GLCCI1: variants seen among roughly 807,000 people sequenced by gnomAD.
GLCCI1 encodes glucocorticoid-induced transcript 1 protein.
A neutral mutation model predicts 52.2 loss-of-function variants in GLCCI1; 24 were observed. The observed-to-expected ratio is 0.46, with a 90% CI of 0.33 to 0.65. The LOEUF (loss-of-function observed/expected upper bound fraction) is 0.65. Among genes scored for constraint, GLCCI1 ranks in the 30% least tolerant of loss-of-function variants. GLCCI1 has a pLI of 0.02. For synonymous variants in GLCCI1, 310 were observed against 276.5 expected (o/e 1.12, Z -1.20); for missense variants, 704 against 701.5 (o/e 1.00, Z -0.04).
Position 8,011,173 on chromosome 7 carries a change from T to G in GLCCI1, c.609+7114T>G, listed in dbSNP as rs546198207. Among the ~76,000 whole-genome samples the G allele has an allele frequency of 3.9e-5, 6 of 152,302 alleles. No individual in the cohort carries two copies. The East Asian group carries it at 1.2e-3, about 29-fold the overall frequency. ...ACCATGAGTGAAAATGAATTAACCA[T>G]TTTTTAAATGTACAGTTCCATAGCA... On this transcript the variant is annotated intron_variant, in intron 2 of 7. Coordinates refer to ENST00000223145, the MANE Select transcript of GLCCI1 (RefSeq NM_138426.4).
intron 2 of GLCCI1, among the ~76,000 whole-genome samples, chr7:8,015,149 C>G (rs17141865): frequency 0.041 from 6,244 of 152,292 alleles, 255 homozygotes; most frequent in East Asian, 0.19. Context: ...CATATATATT[C>G]TTTTCTGTTG....
chr7:8,034,814 T>C (rs910192431), intron 3 of GLCCI1, among the ~76,000 whole-genome samples: 15 of 152,126 alleles, frequency 9.9e-5, no homozygotes, highest in Admixed American at 3.9e-4. Flanking sequence ...TGTTTTGGGC[T>C]CCCCTTCCCC....
chr7:7,985,529 G>T (rs1338182307), intron 1 of GLCCI1, among the ~76,000 whole-genome samples: 1 of 108,092 alleles, frequency 9.3e-6, no homozygotes, highest in Non-Finnish European at 1.8e-5. Context: ...CATCTATCCT[G>T]GAACTTTAAG....
chr7:8,032,362 G>A (rs547738386), intron 3 of GLCCI1, among the ~76,000 whole-genome samples: 2 of 151,948 alleles, frequency 1.3e-5, no homozygotes, highest in Admixed American at 6.6e-5. Context: ...ACTGGAAAAA[G>A]AAAAGCAAAT....
At chr7:8,023,899 A>G (rs528306087) in intron 3 of GLCCI1, among the ~76,000 whole-genome samples, 1 of 152,200 alleles carries the variant, frequency 6.6e-6, no homozygotes, top group African/African-American at 2.4e-5. Context: ...ACACCAGGCC[A>G]TGATCATTCT....
chr7:7,987,619 G>T (rs894352941), intron 1 of GLCCI1, among the ~76,000 whole-genome samples: 3 of 152,022 alleles, frequency 2.0e-5, no homozygotes, highest in Non-Finnish European at 2.9e-5. Context: ...ACAGAGTCTC[G>T]CTCTGTTGCC....
intron 2 of GLCCI1, among the ~76,000 whole-genome samples, chr7:8,012,325 T>C (rs1045090260): frequency 3.9e-5 from 6 of 152,010 alleles, no homozygotes; most frequent in Admixed American, 6.6e-5. Context: ...GAATTGGGTT[T>C]TTTGTTGTTG....
intron 5 of GLCCI1, among the ~76,000 whole-genome samples, chr7:8,069,826 C>G (rs920127265): frequency 1.3e-5 from 2 of 152,106 alleles, no homozygotes; most frequent in Non-Finnish European, 2.9e-5. Context: ...TCTAAAATCT[C>G]TGAAATGACA....
chr7:8,019,112 G>T (rs1422847814), intron 2 of GLCCI1, among the ~76,000 whole-genome samples: 3 of 152,078 alleles, frequency 2.0e-5, no homozygotes, highest in Non-Finnish European at 4.4e-5. Flanking sequence ...GCCATCTTTT[G>T]GTTTTGTTTT....
intron 5 of GLCCI1, among the ~76,000 whole-genome samples, chr7:8,060,751 T>G (rs1782496455): frequency 6.6e-6 from 1 of 152,242 alleles, no homozygotes. Flanking sequence ...GTTTTAGTTT[T>G]TGGCTATTGT....
At chr7:8,060,282 T>C (rs767360492) in intron 5 of GLCCI1, 34 bp downstream of exon 5, 1 of 1,556,214 alleles carries the variant, frequency 6.4e-7, no homozygotes, top group Non-Finnish European at 8.8e-7. Flanking sequence ...ATCCTTTTTT[T>C]CTCTGATATA....
chr7:8,027,096 G>A (rs773041152), intron 3 of GLCCI1, among the ~76,000 whole-genome samples: 2 of 152,172 alleles, frequency 1.3e-5, no homozygotes, highest in African/African-American at 4.8e-5. Context: ...GAACATCTAC[G>A]ATAATTAGCA....
chr7:8,006,884 A>C (rs1583965869), intron 2 of GLCCI1, among the ~76,000 whole-genome samples: 1 of 152,262 alleles, frequency 6.6e-6, no homozygotes, highest in African/African-American at 2.4e-5. Context: ...ATACACTTGG[A>C]CCCACCAGTT....
intron 6 of GLCCI1, among the ~76,000 whole-genome samples, chr7:8,082,083 T>C (rs1584028619): frequency 1.3e-5 from 2 of 152,192 alleles, no homozygotes; most frequent in South Asian, 2.1e-4. Flanking sequence ...AAGATTACCA[T>C]GAGACTTCTC....
intron 3 of GLCCI1, among the ~76,000 whole-genome samples, chr7:8,037,844 A>G (rs939474955): frequency 8.5e-5 from 13 of 152,202 alleles, no homozygotes; most frequent in Admixed American, 6.5e-4. Context: ...AGATATAGCA[A>G]TTCTAAATAT....
chr7:7,972,433 G>A (rs1780372486), intron 1 of GLCCI1, among the ~76,000 whole-genome samples: 1 of 152,230 alleles, frequency 6.6e-6, no homozygotes, highest in African/African-American at 2.4e-5. Context: ...TAGTATAAAG[G>A]CATATTGTTT....
chr7:8,004,162 C>A, intron 2 of GLCCI1, 103 bp downstream of exon 2: 1 of 1,062,216 alleles, frequency 9.4e-7, no homozygotes, highest in Admixed American at 2.4e-5. Context: ...ATTTGAAATA[C>A]ATCCAACCAA....
intron 6 of GLCCI1, among the ~76,000 whole-genome samples, chr7:8,077,951 T>G (rs1304815306): frequency 2.6e-5 from 4 of 152,076 alleles, no homozygotes; most frequent in African/African-American, 9.7e-5. Flanking sequence ...GTCCACTATT[T>G]AGGCCGGGCG....
At chr7:8,045,904 T>A (rs1341932039) in intron 3 of GLCCI1, among the ~76,000 whole-genome samples, 1 of 151,292 alleles carries the variant, frequency 6.6e-6, no homozygotes, top group Non-Finnish European at 1.5e-5. Flanking sequence ...ATAAGAGATA[T>A]CGGACATATT....
Sources: gnomAD v4.1 joint callset for allele counts (sites outside exome capture counted in the v4.1 genomes callset) on GRCh38, gnomAD v4.1.1 for gene constraint, MANE v1.5 for transcripts, NCBI Gene and HGNC (gene_info 2026-07-23, HGNC 2026-07-21) for gene names.